LANCL3: variants seen among roughly 807,000 people sequenced by gnomAD.
LANCL3 encodes LanC like family member 3, also known as lanC-like protein 3.
In LANCL3, 19 loss-of-function variants were observed where a neutral mutation model predicts 26.5. The observed-to-expected ratio is 0.72, with a 90% confidence interval of 0.50 to 1.05. LANCL3 has a LOEUF of 1.05. LANCL3 is among the 50% of genes least tolerant of loss of function. The pLI is 0.00. For synonymous variants in LANCL3, 160 were observed against 166.6 expected (o/e 0.96, Z 0.30); for missense variants, 318 against 362.7 (o/e 0.88, Z 1.00).
chrX:37,622,114 C>T (rs17144426), intron 1 of LANCL3, among the ~76,000 whole-genome samples: 3,748 of 111,481 alleles, frequency 0.034, 151 homozygotes, highest in African/African-American at 0.12. Flanking sequence ...TGACATTTCC[C>T]TGGAATCACA....
intron 1 of LANCL3, among the ~76,000 whole-genome samples, chrX:37,635,360 G>A (rs931788284): frequency 1.2e-4 from 13 of 111,437 alleles, no homozygotes; most frequent in African/African-American, 3.9e-4. Context: ...GATGAAGTAA[G>A]GACAAAATTA....
At position 37,599,567 on chromosome X, in the gene LANCL3, A is replaced by G. The variant is rs782492531; in HGVS notation, c.573+27124A>G. Among the ~76,000 whole-genome samples the G allele has an allele frequency of 1.1e-3, 128 of 112,412 alleles. 2 individuals are homozygous for G. The highest frequency in any genetic ancestry group is 3.8e-3 in the African/African-American group (118 of 30,968). ...CGGTTTCCAGCTTAATTTGTAGAAC[A>G]CAAAGTCCTGATGCTCTCTTGGAAA... On this transcript the variant is annotated intron_variant, in intron 1 of 4. Coordinates refer to ENST00000378619, the MANE Select transcript of LANCL3 (RefSeq NM_001170331.2).
At chrX:37,668,420 C>CA (rs1236865297) in intron 4 of LANCL3, 2 of 403,195 alleles carry the variant, frequency 5.0e-6, no homozygotes, top group African/African-American at 2.6e-5. Context: ...TACCAGACAA[C>CA]ATTGCTTTTA....
chrX:37,625,695 C>T (rs1556422918), intron 1 of LANCL3, among the ~76,000 whole-genome samples: 1 of 111,081 alleles, frequency 9.0e-6, no homozygotes, highest in East Asian at 2.8e-4. Context: ...GAGAGCTCTT[C>T]CAGGTGTCCT....
intron 1 of LANCL3, among the ~76,000 whole-genome samples, chrX:37,609,476 C>T (rs782673132): frequency 8.9e-6 from 1 of 111,739 alleles, no homozygotes; most frequent in African/African-American, 3.2e-5. Flanking sequence ...TGTTATTGTA[C>T]TTTGAAAGCC....
intron 1 of LANCL3, among the ~76,000 whole-genome samples, chrX:37,574,330 C>A (rs1309440792): frequency 9.0e-6 from 1 of 111,351 alleles, no homozygotes; most frequent in Non-Finnish European, 1.9e-5. Flanking sequence ...GATTGAATTG[C>A]GAATTTGTGT....
At position 37,572,285 on chromosome X, in the gene LANCL3, G is replaced by A. The variant is rs1342746842; in HGVS notation, c.415G>A (p.Gly139Ser). 1 of 1,156,964 alleles carries A rather than the reference G, an allele frequency of 8.6e-7. No individual in the cohort carries two copies. Among genetic ancestry groups the A allele is most frequent in the Non-Finnish European group, 1.1e-6 (1 of 871,170 alleles). Reference sequence around the variant, plus strand: ...GGCCACGCTCGTATACCACGCCCTGGGCCGGTCCGACTACGTGCAGCCGCT... The same window carrying A: ...GGCCACGCTCGTATACCACGCCCTGAGCCGGTCCGACTACGTGCAGCCGCT... Reference protein sequence around the residue: ...AVATLVYHALGRSDYVQPLGK... With the variant: ...AVATLVYHALSRSDYVQPLGK... The change falls in exon 1 of 5, where the codon GGC becomes AGC. Residue 139 changes from glycine to serine, a missense_variant. Physicochemically the swap from Gly to Ser is moderately conservative, Grantham distance 56 (BLOSUM62 0). Coordinates refer to ENST00000378619, the MANE Select transcript of LANCL3 (RefSeq NM_001170331.2).
At chrX:37,599,971 T>C (rs181293938) in intron 1 of LANCL3, among the ~76,000 whole-genome samples, 1,346 of 111,835 alleles carry the variant, frequency 0.012, 8 homozygotes, top group Non-Finnish European at 0.019. Flanking sequence ...TATTGGCTCA[T>C]CGAGGTGACA....
intron 1 of LANCL3, among the ~76,000 whole-genome samples, chrX:37,625,591 C>T (rs1925291374): frequency 9.0e-6 from 1 of 111,448 alleles, no homozygotes; most frequent in African/African-American, 3.3e-5. Flanking sequence ...GATCCTAGTC[C>T]CCAGAGTCGA....
chrX:37,603,045 A>G (rs781996562), intron 1 of LANCL3, among the ~76,000 whole-genome samples: 59 of 112,331 alleles, frequency 5.3e-4, no homozygotes, highest in African/African-American at 1.7e-3. Flanking sequence ...AGGAAATAGA[A>G]GTGTTTTACA....
chrX:37,619,041 G>A lies in LANCL3; in HGVS notation c.574-36647G>A, dbSNP rs148484085. Among the ~76,000 whole-genome samples, 745 of 111,353 alleles carry A rather than the reference G, an allele frequency of 6.7e-3. 7 individuals carry two copies. The highest frequency in any genetic ancestry group is 0.023 in the Middle Eastern group (5 of 218). On this transcript the variant is annotated intron_variant, in intron 1 of 4. Coordinates refer to ENST00000378619, the MANE Select transcript of LANCL3 (RefSeq NM_001170331.2). Reference sequence around the variant, plus strand: ...TATGGTGGAATTGAGTGGGAAAGATGGGTTATTTCAAGGAATGTTTCATCC... The same window carrying A: ...TATGGTGGAATTGAGTGGGAAAGATAGGTTATTTCAAGGAATGTTTCATCC...
At chrX:37,669,941 G>C (rs1267008825) in intron 4 of LANCL3, among the ~76,000 whole-genome samples, 3 of 112,029 alleles carry the variant, frequency 2.7e-5, no homozygotes, top group Non-Finnish European at 3.8e-5. Context: ...ATTTTTAAGG[G>C]ACATTCTTTA....
chrX:37,655,921 A>C, intron 2 of LANCL3, 110 bp downstream of exon 2: 1 of 629,443 alleles, frequency 1.6e-6, no homozygotes, highest in Non-Finnish European at 2.4e-6. Flanking sequence ...TAGTCATTTA[A>C]TAAGAAATAC....
At chrX:37,613,003 C>A (rs1924918244) in intron 1 of LANCL3, among the ~76,000 whole-genome samples, 1 of 111,275 alleles carries the variant, frequency 9.0e-6, no homozygotes, top group Non-Finnish European at 1.9e-5. Context: ...CTTCAAAGGA[C>A]ATTCCCATCC....
intron 1 of LANCL3, among the ~76,000 whole-genome samples, chrX:37,575,077 C>T (rs1201169994): frequency 1.8e-5 from 2 of 109,277 alleles, no homozygotes; most frequent in Non-Finnish European, 3.8e-5. Flanking sequence ...AGGCATGTGC[C>T]ACCACACCCA....
intron 1 of LANCL3, among the ~76,000 whole-genome samples, chrX:37,623,110 G>C (rs781815777): frequency 8.9e-6 from 1 of 111,936 alleles, no homozygotes; most frequent in African/African-American, 3.2e-5. Flanking sequence ...TCTTACCTAA[G>C]AATACAACTA....
Position 37,682,176 on chromosome X carries a change from C to T in LANCL3, c.*6363C>T, listed in dbSNP as rs1926954597. 1 of 101,342 alleles carries T rather than the reference C, an allele frequency of 9.9e-6. No homozygotes were observed. The highest frequency in any genetic ancestry group is 3.0e-4 in the East Asian group (1 of 3,279). 8.4% of individuals were successfully genotyped at this position (101,342 alleles called of 1,213,427 possible). A position where few individuals can be genotyped will look rare whatever the true frequency, so the allele number is the denominator to read the frequency against. On this transcript the variant is annotated 3_prime_UTR_variant, in exon 5 of 5. Transcript: ENST00000378619. ...GGAGTGCAGTGGCGGGATCTCGGCT[C>T]GCTGCAAGCTCCGCCTCCCGGGTTC...
At position 37,588,561 on chromosome X, in the gene LANCL3, G is replaced by T. The variant is rs1383181989; in HGVS notation, c.573+16118G>T. Among the ~76,000 whole-genome samples the T allele has an allele frequency of 3.0e-4, 34 of 111,706 alleles. No individual in the cohort carries two copies. The Admixed American group carries it at 3.1e-3, about 10-fold the overall frequency. ...CTAGGGAAACCTACCAAGATAACAG[G>T]CCCATTATTCTTGGGGTGCTAGCCA... is the stretch of plus-strand genomic sequence containing the variant. On this transcript the variant is annotated intron_variant, in intron 1 of 4. Coordinates refer to ENST00000378619, the MANE Select transcript of LANCL3 (RefSeq NM_001170331.2).
At chrX:37,587,597 G>T (rs1246121207) in intron 1 of LANCL3, among the ~76,000 whole-genome samples, 18 of 113,222 alleles carry the variant, frequency 1.6e-4, no homozygotes, top group African/African-American at 2.6e-4. Flanking sequence ...CTCCAAGCCA[G>T]GCATGGGATA....
Sources: allele counts gnomAD v4.1 joint callset (sites outside exome capture counted in the v4.1 genomes callset), GRCh38; gene constraint gnomAD v4.1.1; transcripts MANE v1.5; gene names NCBI Gene and HGNC (gene_info 2026-07-23, HGNC 2026-07-21).